SCML4: variants seen among roughly 807,000 people sequenced by gnomAD.
The protein encoded by SCML4 is Scm polycomb group protein like 4.
Under a neutral mutation model 41.1 loss-of-function variants are expected in SCML4, and 34 were observed. That is an observed-to-expected ratio of 0.83 (90% CI 0.63 to 1.10). SCML4 has a LOEUF of 1.10. Among genes scored for constraint, SCML4 ranks in the 50% least tolerant of loss-of-function variants. The pLI, the probability that SCML4 is intolerant of heterozygous loss-of-function variation, is 0.00. For synonymous variants in SCML4, 214 were observed against 220.9 expected, an observed-to-expected ratio of 0.97 and a Z score of 0.28; for missense variants, 522 against 534.1, an observed-to-expected ratio of 0.98 and a Z score of 0.22.
chr6:107,805,905 A>ACTGG (rs1746121482), intron 1 of SCML4, among the ~76,000 whole-genome samples: 1 of 152,198 alleles, frequency 6.6e-6, no homozygotes, highest in African/African-American at 2.4e-5. Flanking sequence ...GCCAGGATGG[A>ACTGG]CTGGGGAGTC....
chr6:107,704,134 T>G lies in SCML4; in HGVS notation c.*1066A>C, dbSNP rs577510096. On this transcript the variant is annotated 3_prime_UTR_variant, in exon 8 of 8. Coordinates refer to ENST00000369020, the MANE Select transcript of SCML4 (RefSeq NM_198081.5). ...GCATGTCTGTGTATTTGTTGAGGACTAGAAAAATTAGCCACAGATACAACT... is the reference window on the plus strand; with the variant it reads ...GCATGTCTGTGTATTTGTTGAGGACGAGAAAAATTAGCCACAGATACAACT... The G allele has an allele frequency of 1.3e-5, 2 of 152,244 alleles. No individual in the cohort carries two copies. The highest frequency in any genetic ancestry group is 2.9e-5 in the Non-Finnish European group (2 of 68,048). The allele number at this position is 152,244 out of a possible 1,614,324, so 9.4% of individuals were successfully genotyped here. A position where few individuals can be genotyped will look rare whatever the true frequency, so the allele number is the denominator to read the frequency against.
At chr6:107,707,726 CT>C in intron 7 of SCML4, 139 bp downstream of exon 7, 1 of 995,188 alleles carries the variant, frequency 1.0e-6, no homozygotes, top group Non-Finnish European at 1.5e-6. Context: ...CTCTGGCTCC[CT>C]TGAGGGTGCC....
chr6:107,791,176 T>C (rs899560317), intron 1 of SCML4, among the ~76,000 whole-genome samples: 2 of 151,570 alleles, frequency 1.3e-5, no homozygotes, highest in Admixed American at 1.3e-4. Context: ...AGAACAGGGA[T>C]GGAATTAGCC....
At chr6:107,823,110 T>C (rs1471071612) in intron 1 of SCML4, among the ~76,000 whole-genome samples, 1 of 151,996 alleles carries the variant, frequency 6.6e-6, no homozygotes, top group Non-Finnish European at 1.5e-5. Flanking sequence ...ATATAACAAA[T>C]ACCCTGATTC....
chr6:107,793,448 A>G (rs565197318), intron 1 of SCML4, among the ~76,000 whole-genome samples: 1 of 152,360 alleles, frequency 6.6e-6, no homozygotes, highest in South Asian at 2.1e-4. Context: ...GCTTAAAACA[A>G]GCTGAACACC....
intron 6 of SCML4, among the ~76,000 whole-genome samples, chr6:107,713,636 TG>T (rs1774452739): frequency 6.6e-6 from 1 of 152,256 alleles, no homozygotes; most frequent in South Asian, 2.1e-4. Context: ...GTCTCAGGGC[TG>T]GAGCCTGACC....
chr6:107,824,357 T>C (rs1414025430), upstream of SCML4: 1 of 152,156 alleles, frequency 6.6e-6, no homozygotes, highest in Admixed American at 6.6e-5. Context: ...GCTACAGCAA[T>C]GAATTTCCAT....
chr6:107,707,146 T>C (rs9400134), intron 7 of SCML4, among the ~76,000 whole-genome samples: 134,460 of 152,090 alleles, frequency 0.88, 59,670 homozygotes, highest in South Asian at 0.93. Flanking sequence ...ACTAAAAATA[T>C]AAAAATTAGC....
At position 107,707,989 on chromosome 6, in the gene SCML4, C is replaced by A. The variant is rs530348685; in HGVS notation, c.996G>T (p.Ala332=). 2.6e-6 allele frequency: 4 copies of A among 1,551,044 alleles called. No homozygotes were observed. Among genetic ancestry groups the A allele is most frequent in the Non-Finnish European group, 3.5e-6 (4 of 1,146,996 alleles). ...NRCASSPSQD[A]QDARRPRSRN... ...TGCTCCGTGGCCGCCTGGCATCCTG[C>A]GCATCCTGAGAAGGGCTTGAGGCTG... The change falls in exon 7 of 8, where the codon GCG becomes GCT. Residue 332 remains alanine (A), a synonymous_variant. Coordinates refer to ENST00000369020, the MANE Select transcript of SCML4 (RefSeq NM_198081.5).
chr6:107,779,525 C>T (rs975092659), intron 1 of SCML4, among the ~76,000 whole-genome samples: 11 of 152,132 alleles, frequency 7.2e-5, no homozygotes, highest in African/African-American at 2.4e-4. Context: ...TGTAAGTGAA[C>T]GGAGGTAGCT....
intron 5 of SCML4, among the ~76,000 whole-genome samples, chr6:107,732,851 G>A (rs145372419): frequency 1.3e-5 from 2 of 152,266 alleles, no homozygotes; most frequent in African/African-American, 4.8e-5. Flanking sequence ...AATTAAAAGT[G>A]GTCCTTAATC....
intron 1 of SCML4, among the ~76,000 whole-genome samples, chr6:107,774,305 T>C (rs1402310623): frequency 6.6e-6 from 1 of 152,152 alleles, no homozygotes; most frequent in East Asian, 1.9e-4. Context: ...GGAGCATTTT[T>C]TTTTCTATCT....
At chr6:107,711,614 T>C (rs1583372277) in intron 6 of SCML4, among the ~76,000 whole-genome samples, 1 of 152,160 alleles carries the variant, frequency 6.6e-6, no homozygotes, top group Non-Finnish European at 1.5e-5. Context: ...TGTTTATAAA[T>C]AGGACTTGAT....
chr6:107,778,897 C>T (rs2114588851), intron 1 of SCML4, among the ~76,000 whole-genome samples: 1 of 152,220 alleles, frequency 6.6e-6, no homozygotes, highest in South Asian at 2.1e-4. Context: ...AAGACACATC[C>T]CGGCCGGGCG....
chr6:107,820,271 G>A (rs1413271245), intron 1 of SCML4, among the ~76,000 whole-genome samples: 1 of 152,178 alleles, frequency 6.6e-6, no homozygotes, highest in African/African-American at 2.4e-5. Flanking sequence ...TTGAAGGGAT[G>A]ATCTGCATCC....
chr6:107,740,120 G>T, intron 5 of SCML4: 1 of 470,950 alleles, frequency 2.1e-6, no homozygotes. Context: ...CTTTCAGATG[G>T]GGACATCAGC....
the SCML4 span, among the ~76,000 whole-genome samples, chr6:107,843,703 C>T: frequency 6.6e-6 from 1 of 152,198 alleles, no homozygotes; most frequent in Admixed American, 6.5e-5. Flanking sequence ...CCCAGAGACA[C>T]ATTCAACTTT....
intron 4 of SCML4, 120 bp downstream of exon 4, chr6:107,746,558 TAAAGACCCTAG>T (rs1283107071): frequency 9.3e-6 from 7 of 748,816 alleles, no homozygotes; most frequent in Non-Finnish European, 1.6e-5. Flanking sequence ...CACAGGCTCA[TAAAGACCCTAG>T]GAGCCCAGCA....
At chr6:107,802,726 C>G (rs1464350313) in intron 1 of SCML4, among the ~76,000 whole-genome samples, 1 of 139,012 alleles carries the variant, frequency 7.2e-6, no homozygotes, top group Admixed American at 7.0e-5. Flanking sequence ...CTCTCCCTCT[C>G]CCCCTCCCTC....
Sources: gnomAD v4.1 joint callset for allele counts (sites outside exome capture counted in the v4.1 genomes callset) on GRCh38, gnomAD v4.1.1 for gene constraint, MANE v1.5 for transcripts, NCBI Gene and HGNC (gene_info 2026-07-23, HGNC 2026-07-21) for gene names.